GPC5: variants seen among roughly 807,000 people sequenced by gnomAD.
The protein encoded by GPC5 is glypican 5.
GPC5 carries 47 observed loss-of-function variants against 53.9 expected under a neutral mutation model. That is an observed-to-expected ratio of 0.87 (90% CI 0.69 to 1.11). The LOEUF (loss-of-function observed/expected upper bound fraction) is 1.11, where lower values mean the gene tolerates loss of function less well. Ranked by LOEUF, GPC5 falls within the 50% of genes most tolerant of loss-of-function variation. The probability of loss-of-function intolerance (pLI) is 0.00; values close to 1 mark genes in which losing one functional copy is unlikely to be tolerated. For synonymous variants in GPC5, 286 were observed against 263.3 expected (o/e 1.09, Z -0.84); for missense variants, 748 against 713.1 (o/e 1.05, Z -0.56).
chr13:92,307,879 A>G (rs890643738), intron 7 of GPC5, among the ~76,000 whole-genome samples: 3 of 152,260 alleles, frequency 2.0e-5, no homozygotes, highest in Admixed American at 6.5e-5. Flanking sequence ...CTCACTATCT[A>G]GGCATAAATA....
intron 7 of GPC5, among the ~76,000 whole-genome samples, chr13:92,176,723 C>T (rs1278760402): frequency 1.3e-5 from 2 of 152,170 alleles, no homozygotes; most frequent in African/African-American, 4.8e-5. Flanking sequence ...TGGAGCTAGG[C>T]CCAGTGGTTC....
chr13:91,812,118 AG>A (rs1192839734), intron 5 of GPC5, among the ~76,000 whole-genome samples: 1 of 152,354 alleles, frequency 6.6e-6, no homozygotes, highest in East Asian at 1.9e-4. Context: ...TGAAGTGGAA[AG>A]GTCTGAACTT....
chr13:92,063,171 A>C (rs144617601), intron 6 of GPC5, among the ~76,000 whole-genome samples: 5 of 152,272 alleles, frequency 3.3e-5, no homozygotes, highest in African/African-American at 1.2e-4. Flanking sequence ...ACCTGGCACC[A>C]ACAGCTAATA....
chr13:91,486,170 G>A (rs912694080), intron 2 of GPC5: 2 of 152,128 alleles, frequency 1.3e-5, no homozygotes, highest in Non-Finnish European at 2.9e-5. Context: ...TAGTTACCTG[G>A]GTAACCAAGA....
At chr13:92,860,080 A>C (rs1879129735) in intron 7 of GPC5, among the ~76,000 whole-genome samples, 1 of 152,156 alleles carries the variant, frequency 6.6e-6, no homozygotes, top group African/African-American at 2.4e-5. Context: ...AAATTATACT[A>C]TTTTACCTTA....
chr13:92,282,059 G>A (rs1248558943), intron 7 of GPC5, among the ~76,000 whole-genome samples: 1 of 152,208 alleles, frequency 6.6e-6, no homozygotes, highest in Non-Finnish European at 1.5e-5. Flanking sequence ...TAAATGACCT[G>A]ATGGAGCTGA....
At chr13:91,965,631 G>A (rs2139082761) in intron 6 of GPC5, among the ~76,000 whole-genome samples, 1 of 152,146 alleles carries the variant, frequency 6.6e-6, no homozygotes, top group Admixed American at 6.6e-5. Flanking sequence ...AATTCACAAG[G>A]GTTCAAATTC....
intron 2 of GPC5, among the ~76,000 whole-genome samples, chr13:91,620,751 C>A (rs2033831926): frequency 6.6e-6 from 1 of 152,120 alleles, no homozygotes; most frequent in Non-Finnish European, 1.5e-5. Flanking sequence ...TTAGAATTAT[C>A]TGTAGCTGAT....
chr13:91,804,666 T>A (rs2038192038), intron 5 of GPC5, among the ~76,000 whole-genome samples: 1 of 152,178 alleles, frequency 6.6e-6, no homozygotes, highest in Admixed American at 6.6e-5. Context: ...TTTAATGGGT[T>A]TTGATGTGCA....
intron 2 of GPC5, among the ~76,000 whole-genome samples, chr13:91,648,076 C>A (rs2034604426): frequency 6.6e-6 from 1 of 152,176 alleles, no homozygotes; most frequent in Non-Finnish European, 1.5e-5. Context: ...CAGTGGTGAT[C>A]CCTTTTTCTT....
intron 7 of GPC5, among the ~76,000 whole-genome samples, chr13:92,362,893 A>G (rs1468044135): frequency 6.6e-6 from 1 of 151,698 alleles, no homozygotes; most frequent in Admixed American, 6.5e-5. Context: ...CTTCTGTCCA[A>G]AATAGATTAA....
chr13:92,829,865 A>T (rs1002540634), intron 7 of GPC5, among the ~76,000 whole-genome samples: 1 of 152,166 alleles, frequency 6.6e-6, no homozygotes, highest in Non-Finnish European at 1.5e-5. Context: ...TAGAGAAAAG[A>T]TTGCTAAGCA....
At position 92,385,409 on chromosome 13, in the gene GPC5, C is replaced by CACATATAT. The variant is rs1566567349; in HGVS notation, c.1561+240422_1561+240429dup. ...ATATATACATATATACACATATATA[C>CACATATAT]ACATATATATACATATATACATATA... is the stretch of plus-strand genomic sequence containing the variant. On this transcript the variant is annotated intron_variant, in intron 7 of 7. Transcript: ENST00000377067. Among the ~76,000 whole-genome samples the CACATATAT allele has an allele frequency of 4.4e-5, 3 of 68,512 alleles. No individual in the cohort carries two copies. In the South Asian group the frequency reaches 1.2e-3, roughly 28 times the overall value. The allele number at this position is 68,512 out of a possible 152,430, so 44.9% of individuals were successfully genotyped here.
rs138088487 is a variant in GPC5 at position 91,953,780 on chromosome 13, G to A, written c.1401+45723G>A. ...CTTGCTGTGCCTTCTCATGGCCAAA[G>A]GGCCTAGCTAGTACACTGGACCTCT... On this transcript the variant is annotated intron_variant, in intron 6 of 7. Transcript: ENST00000377067. Among the ~76,000 whole-genome samples, 602 of 152,242 alleles carry A rather than the reference G, an allele frequency of 4.0e-3. 8 individuals carry two copies. Among genetic ancestry groups the A allele is most frequent in the African/African-American group, 0.014 (582 of 41,550 alleles).
At chr13:92,027,984 A>G (rs1033934173) in intron 6 of GPC5, among the ~76,000 whole-genome samples, 6 of 152,204 alleles carry the variant, frequency 3.9e-5, no homozygotes, top group Non-Finnish European at 7.3e-5. Flanking sequence ...GAATTAAGCT[A>G]ACTCCTCAAA....
At chr13:91,690,283 C>T (rs868181260) in intron 2 of GPC5, among the ~76,000 whole-genome samples, 51 of 152,220 alleles carry the variant, frequency 3.4e-4, no homozygotes, top group African/African-American at 1.1e-3. Context: ...TTTAAAATTT[C>T]ACTCTAATAT....
At chr13:92,127,886 A>G (rs1594774274) in intron 6 of GPC5, among the ~76,000 whole-genome samples, 2 of 152,222 alleles carry the variant, frequency 1.3e-5, no homozygotes, top group East Asian at 1.9e-4. Context: ...GTGAAATACT[A>G]TCTTTCACAA....
intron 7 of GPC5, among the ~76,000 whole-genome samples, chr13:92,228,279 A>G (rs186841078): frequency 2.1e-4 from 32 of 152,208 alleles, no homozygotes; most frequent in Admixed American, 1.3e-3. Flanking sequence ...AAAGAGTTGA[A>G]TGAAACCAAT....
chr13:92,630,707 A>G (rs1240427916), intron 7 of GPC5, among the ~76,000 whole-genome samples: 2 of 152,140 alleles, frequency 1.3e-5, no homozygotes, highest in African/African-American at 4.8e-5. Context: ...ATTTTTTTAA[A>G]CCTGATTCCA....
Sources: allele counts gnomAD v4.1 joint callset (sites outside exome capture counted in the v4.1 genomes callset), GRCh38; gene constraint gnomAD v4.1.1; transcripts MANE v1.5; gene names NCBI Gene and HGNC (gene_info 2026-07-23, HGNC 2026-07-21).